ASPSCR1: variants seen among roughly 807,000 people sequenced by gnomAD.
ASPSCR1 encodes the protein tether containing UBX domain for GLUT4.
ASPSCR1 carries 55 observed loss-of-function variants against 68.9 expected under a neutral mutation model. The ratio of observed to expected loss-of-function variants is 0.80; its 90% confidence interval spans 0.64 to 1.00. The LOEUF is 1.00. Among genes scored for constraint, ASPSCR1 ranks in the 50% least tolerant of loss-of-function variants. ASPSCR1 has a pLI of 0.00. For missense variants in ASPSCR1, 765 were observed against 762.2 expected (o/e 1.00, Z -0.04); for synonymous variants, 352 against 332.6 (o/e 1.06, Z -0.63).
intron 1 of ASPSCR1, chr17:81,978,904 C>T: frequency 1.9e-6 from 1 of 530,442 alleles, no homozygotes; most frequent in Non-Finnish European, 3.4e-6. Flanking sequence ...AGGGTGTGTG[C>T]CAGGAAGATG....
chr17:82,010,270 C>T (rs2042880511), intron 9 of ASPSCR1, among the ~76,000 whole-genome samples: 1 of 150,790 alleles, frequency 6.6e-6, no homozygotes, highest in Non-Finnish European at 1.5e-5. Flanking sequence ...TGGCTCACGC[C>T]TGTAATCCCA....
chr17:81,978,575 G>C (rs901781616), intron 1 of ASPSCR1: 2 of 152,362 alleles, frequency 1.3e-5, no homozygotes, highest in Admixed American at 1.3e-4. Flanking sequence ...GTGGGGGACC[G>C]TGAGGATCCG....
At position 81,985,521 on chromosome 17, in the gene ASPSCR1, G is replaced by T. The variant is rs531278475; in HGVS notation, c.288G>T (p.Leu96Phe). 2.5e-6 allele frequency: 4 copies of T among 1,614,076 alleles called. No individual in the cohort carries two copies. The East Asian group carries it at 8.9e-5, about 36-fold the overall frequency. The change falls in exon 4 of 16, where the codon TTG (leucine) becomes TTT (phenylalanine). Residue 96 changes from leucine (L) to phenylalanine (F), a missense_variant. Leu to Phe is a conservative substitution (Grantham distance 22). Transcript: ENST00000306739. ...EGPENMVRIA[L>F]QLDDGSRLQD... ...ATACCCTCCAGGTTCGCATCGCTTT[G>T]CAGCTGGACGATGGCTCGAGGTTGC...
chr17:81,979,381 T>G, intron 2 of ASPSCR1, 142 bp downstream of exon 2: 1 of 871,998 alleles, frequency 1.1e-6, no homozygotes, highest in Non-Finnish European at 1.8e-6. Flanking sequence ...CCCAAGGCCT[T>G]GGCAGGGCCA....
intron 12 of ASPSCR1, among the ~76,000 whole-genome samples, chr17:82,012,574 G>T (rs2042987498): frequency 6.6e-6 from 1 of 152,164 alleles, no homozygotes. Flanking sequence ...CTGCTGTGCT[G>T]GGGCCAAGGC....
Position 82,009,474 on chromosome 17 carries a change from T to C in ASPSCR1, c.1089-12T>C. 6.4e-7 allele frequency: 1 copy of C among 1,568,494 alleles called. No individual in the cohort carries two copies. Among genetic ancestry groups the C allele is most frequent in the Non-Finnish European group, 8.6e-7 (1 of 1,156,632 alleles). On this transcript the variant is annotated splice_polypyrimidine_tract_variant and intron_variant, in intron 8 of 15. Transcript: ENST00000306739. ...TGACCAGAAGCCCTGTTCCTTCCCCTCCTCACCACAGGAAGCGCCTGGAAG... is the reference window on the plus strand; with the variant it reads ...TGACCAGAAGCCCTGTTCCTTCCCCCCCTCACCACAGGAAGCGCCTGGAAG...
intron 7 of ASPSCR1, chr17:82,008,832 A>T: frequency 1.7e-6 from 1 of 586,688 alleles, no homozygotes; most frequent in Non-Finnish European, 2.8e-6. Flanking sequence ...AGCCCTGGAC[A>T]GGCTCTGAGT....
chr17:81,982,516 A>G (rs940710183), intron 2 of ASPSCR1: 1 of 152,322 alleles, frequency 6.6e-6, no homozygotes. Context: ...CCGATCTGCT[A>G]TCCTGTCTTG....
intron 12 of ASPSCR1, 143 bp downstream of exon 12, chr17:82,012,426 A>C: frequency 1.0e-6 from 1 of 981,068 alleles, no homozygotes; most frequent in Non-Finnish European, 1.5e-6. Flanking sequence ...GTGGGTTCCG[A>C]GGGGGCCGTG....
At chr17:82,005,492 G>A (rs1315363541) in intron 7 of ASPSCR1, 1 of 152,214 alleles carries the variant, frequency 6.6e-6, no homozygotes, top group African/African-American at 2.4e-5. Context: ...TTGGCTGAGT[G>A]AGACTGACCC....
intron 3 of ASPSCR1, among the ~76,000 whole-genome samples, chr17:81,984,882 AC>A (rs548190136): frequency 1.1e-3 from 20 of 18,942 alleles, no homozygotes; most frequent in South Asian, 0.01. Context: ...CCGCACACAC[AC>A]CCCCCACACA....
At chr17:82,014,216 T>C (rs566177590) in intron 12 of ASPSCR1, 220 of 152,476 alleles carry the variant, frequency 1.4e-3, no homozygotes, top group Non-Finnish European at 2.5e-3. Flanking sequence ...AGTTCTGTCG[T>C]CCTTCCTTTC....
At chr17:82,009,685 G>A in intron 9 of ASPSCR1, 118 bp downstream of exon 9, 1 of 777,692 alleles carries the variant, frequency 1.3e-6, no homozygotes, top group South Asian at 1.8e-5. Context: ...TGTGAGGTCT[G>A]TGGACAGGAC....
intron 4 of ASPSCR1, among the ~76,000 whole-genome samples, chr17:81,992,491 G>A (rs898523713): frequency 2.0e-5 from 3 of 152,316 alleles, no homozygotes; most frequent in South Asian, 4.1e-4. Context: ...GGTCAGTGCC[G>A]GGGAAGGACT....
Position 81,995,362 on chromosome 17 carries a change from G to T in ASPSCR1, c.432+484G>T, listed in dbSNP as rs531263427. Reference sequence around the variant, plus strand: ...TTTATCCCCATTTGGAAGCTCCCTGGCTGGGGCTGTGACGGGGAGGTTCAG... The same window carrying T: ...TTTATCCCCATTTGGAAGCTCCCTGTCTGGGGCTGTGACGGGGAGGTTCAG... On this transcript the variant is annotated intron_variant, in intron 5 of 15. Transcript: ENST00000306739. 8.2e-4 allele frequency: 211 copies of T among 256,756 alleles called. 1 individual carries two copies. The highest frequency in any genetic ancestry group is 2.3e-3 in the Middle Eastern group (2 of 870). 15.9% of individuals were successfully genotyped at this position (256,756 alleles called of 1,614,324 possible).
intron 7 of ASPSCR1, among the ~76,000 whole-genome samples, chr17:81,998,475 TC>T (rs2042428243): frequency 6.6e-6 from 1 of 152,158 alleles, no homozygotes; most frequent in Admixed American, 6.6e-5. Context: ...TTAGTAGACA[TC>T]CTTCCTTGTC....
At chr17:81,991,457 A>C (rs2042160070) in intron 4 of ASPSCR1, among the ~76,000 whole-genome samples, 1 of 152,140 alleles carries the variant, frequency 6.6e-6, no homozygotes, top group Non-Finnish European at 1.5e-5. Flanking sequence ...TGGTGAGGAC[A>C]GGGCTCTGCC....
chr17:81,996,674 G>C lies in ASPSCR1; in HGVS notation c.761G>C (p.Gly254Ala), dbSNP rs781581806. 1.2e-6 allele frequency: 2 copies of C among 1,612,738 alleles called. No homozygotes were observed. The highest frequency in any genetic ancestry group is 3.3e-5 in the Admixed American group (2 of 59,806). The change falls in exon 7 of 16, where the codon GGC becomes GCC. Residue 254 changes from glycine (G) to alanine (A), a missense_variant. Coordinates refer to ENST00000306739, the MANE Select transcript of ASPSCR1 (RefSeq NM_024083.4). The part of the protein sequence containing the change: ...PFSGGGQRLG[G>A]PPGPTRPLTS... ...TCGGGTGGGGGACAGAGACTGGGGG[G>C]CCCTCCTGGGCCCACGAGGCCTCTG...
intron 15 of ASPSCR1, 25 bp from the exon 16 acceptor site, chr17:82,017,284 T>C (rs779342593): frequency 1.2e-6 from 2 of 1,610,552 alleles, no homozygotes; most frequent in Non-Finnish European, 1.7e-6. Flanking sequence ...GGGTGTGTGG[T>C]CACCCTGATG....
Sources: gnomAD v4.1 joint callset for allele counts (sites outside exome capture counted in the v4.1 genomes callset) on GRCh38, gnomAD v4.1.1 for gene constraint, MANE v1.5 for transcripts, NCBI Gene and HGNC (gene_info 2026-07-23, HGNC 2026-07-21) for gene names.